The following NAALADL2 variants were observed in gnomAD, a reference collection of about 807,000 sequenced individuals.
NAALADL2 encodes inactive N-acetylated-alpha-linked acidic dipeptidase-like protein 2.
NAALADL2 carries 76 observed loss-of-function variants against 87.2 expected under a neutral mutation model. That is an observed-to-expected ratio of 0.87 (90% CI 0.72 to 1.05). NAALADL2 has a LOEUF of 1.05. Among genes scored for constraint, NAALADL2 ranks in the 50% least tolerant of loss-of-function variants. The pLI is 0.00. For missense variants in NAALADL2, 1,089 were observed against 945.8 expected (o/e 1.15, Z -1.99); for synonymous variants, 354 against 331.0 (o/e 1.07, Z -0.75).
intron 9 of NAALADL2, among the ~76,000 whole-genome samples, chr3:175,489,959 A>G (rs1379878222): frequency 6.6e-6 from 1 of 152,128 alleles, no homozygotes; most frequent in African/African-American, 2.4e-5. Flanking sequence ...TTTTCTTGGT[A>G]CCCATACCCT....
At chr3:174,926,974 A>T (rs894727275) in intron 1 of NAALADL2, among the ~76,000 whole-genome samples, 1 of 151,672 alleles carries the variant, frequency 6.6e-6, no homozygotes, top group African/African-American at 2.4e-5. Context: ...TCACATGCAG[A>T]GACATACATA....
intron 1 of NAALADL2, among the ~76,000 whole-genome samples, chr3:174,924,159 C>T (rs535656884): frequency 1.3e-5 from 2 of 151,100 alleles, no homozygotes; most frequent in South Asian, 2.1e-4. Flanking sequence ...TGTGCTGCAC[C>T]CATTAACTCG....
At chr3:174,897,746 G>C (rs1175316612) in intron 1 of NAALADL2, among the ~76,000 whole-genome samples, 3 of 152,136 alleles carry the variant, frequency 2.0e-5, no homozygotes, top group African/African-American at 7.2e-5. Context: ...ACATACAATA[G>C]TTAGGAGCAA....
intron 11 of NAALADL2, among the ~76,000 whole-genome samples, chr3:175,682,803 A>G (rs1735766920): frequency 6.6e-6 from 1 of 152,132 alleles, no homozygotes; most frequent in Middle Eastern, 3.4e-3. Context: ...TCTAATTTTC[A>G]ATTGCTTGCT....
chr3:174,553,731 T>C (rs1933444582), intron 2 of NAALADL2, among the ~76,000 whole-genome samples: 1 of 152,178 alleles, frequency 6.6e-6, no homozygotes, highest in Admixed American at 6.5e-5. Context: ...CTTGATTTCA[T>C]CTGGGAATGA....
rs868268261 is a variant in NAALADL2, at chr3:175,437,248, A to G, written c.1091-9981A>G. ...CCTTAAGCTGATAAGCAACTTCAGC[A>G]AAGTCTCAGGATACAAAATCAATGT... On this transcript the variant is annotated intron_variant, in intron 5 of 13. Coordinates refer to ENST00000454872, the MANE Select transcript of NAALADL2 (RefSeq NM_207015.3). 3.3e-5 allele frequency among the ~76,000 whole-genome samples: 5 copies of G among 150,360 alleles called. No individual in the cohort carries two copies. In the Middle Eastern group the frequency reaches 0.01, roughly 315 times the overall value.
intron 3 of NAALADL2, among the ~76,000 whole-genome samples, chr3:174,796,261 A>G (rs1718070724): frequency 6.6e-6 from 1 of 152,162 alleles, no homozygotes; most frequent in Non-Finnish European, 1.5e-5. Context: ...TACAAGTACA[A>G]TTTTGTTATA....
In NAALADL2 at chr3:174,611,548, T is replaced by C. The variant is rs538295897; in HGVS notation, c.-115+60911T>C. ...ACAATAATCTGGTTTTCTGTGCACT[T>C]ACTATTGCCCATGAGTTTTGTAGCT... On this transcript the variant is annotated intron_variant, in intron 2 of 3. Transcript: ENST00000434257. Among the ~76,000 whole-genome samples the C allele has an allele frequency of 1.6e-4, 24 of 152,242 alleles. No individual in the cohort carries two copies. The South Asian group carries it at 2.5e-3, about 16-fold the overall frequency.
intron 4 of NAALADL2, among the ~76,000 whole-genome samples, chr3:175,265,134 T>C (rs1327051598): frequency 6.6e-6 from 1 of 151,688 alleles, no homozygotes; most frequent in Non-Finnish European, 1.5e-5. Context: ...GTTACTATTC[T>C]ATGGACTCAA....
intron 2 of NAALADL2, among the ~76,000 whole-genome samples, chr3:174,658,114 G>A (rs1177857381): frequency 6.6e-6 from 1 of 152,088 alleles, no homozygotes; most frequent in Admixed American, 6.6e-5. Flanking sequence ...TTGTGTAGTT[G>A]TGTTCTCATT....
chr3:174,847,418 C>G (rs1724751698), intron 3 of NAALADL2, among the ~76,000 whole-genome samples: 1 of 152,102 alleles, frequency 6.6e-6, no homozygotes, highest in African/African-American at 2.4e-5. Context: ...ATGTTGCAAA[C>G]TTTATCACTC....
At chr3:175,466,868 C>G (rs142354390) in intron 7 of NAALADL2, 111 bp from the exon 8 acceptor site, 1 of 853,540 alleles carries the variant, frequency 1.2e-6, no homozygotes, top group Non-Finnish European at 1.9e-6. Flanking sequence ...ATTATTAGAG[C>G]AATTTTGCTT....
intron 2 of NAALADL2, among the ~76,000 whole-genome samples, chr3:174,622,905 T>C (rs369492212): frequency 6.6e-6 from 1 of 152,106 alleles, no homozygotes; most frequent in Non-Finnish European, 1.5e-5. Flanking sequence ...TAGCCAGGCG[T>C]GGTGGCAGGC....
chr3:175,628,629 A>ATATATC (rs1727338151), intron 11 of NAALADL2, among the ~76,000 whole-genome samples: 1 of 146,716 alleles, frequency 6.8e-6, no homozygotes, highest in Non-Finnish European at 1.5e-5. Context: ...ATATATATAT[A>ATATATC]TATATATGAA....
intron 2 of NAALADL2, among the ~76,000 whole-genome samples, chr3:174,635,609 TCTC>T (rs1312580800): frequency 6.6e-6 from 1 of 151,402 alleles, no homozygotes; most frequent in Non-Finnish European, 1.5e-5. Context: ...TTCCAGCAAT[TCTC>T]CTGCCTCAGC....
rs184181419 is a variant in NAALADL2 at position 175,656,966 on chromosome 3, T to A, written c.1896+29580T>A. ...TGTGCCATATGTTGGACGTAGAAAC[T>A]TCGTGTATCACTTTTATTTAACCTT... is the stretch of plus-strand genomic sequence containing the variant. On this transcript the variant is annotated intron_variant, in intron 11 of 13. Transcript: ENST00000454872. Among the ~76,000 whole-genome samples, 32 of 152,308 alleles carry A rather than the reference T, an allele frequency of 2.1e-4. No homozygotes were observed. In the East Asian group the frequency reaches 6.2e-3, roughly 29 times the overall value.
At chr3:175,694,693 A>G (rs1737506479) in intron 11 of NAALADL2, among the ~76,000 whole-genome samples, 1 of 152,152 alleles carries the variant, frequency 6.6e-6, no homozygotes, top group Non-Finnish European at 1.5e-5. Context: ...CACCTCTATG[A>G]GATGTCCGTA....
chr3:175,595,570 A>G lies in NAALADL2; in HGVS notation c.1800+19383A>G, dbSNP rs114756571. ...TAAGAAACAAAATCAGAGTACAAAA[A>G]TCAGTAGCATTTCTAAACACCAATA... On this transcript the variant is annotated intron_variant, in intron 10 of 13. Coordinates refer to ENST00000454872, the MANE Select transcript of NAALADL2 (RefSeq NM_207015.3). Among the ~76,000 whole-genome samples, 244 of 152,210 alleles carry G rather than the reference A, an allele frequency of 1.6e-3. 2 individuals carry two copies. The highest frequency in any genetic ancestry group is 5.5e-3 in the African/African-American group (230 of 41,570).
chr3:175,445,818 T>G (rs981157151), intron 5 of NAALADL2, among the ~76,000 whole-genome samples: 4 of 152,198 alleles, frequency 2.6e-5, no homozygotes, highest in African/African-American at 9.6e-5. Flanking sequence ...CCTTACACTC[T>G]GATCTTACTG....
Sources: gnomAD v4.1 joint callset for allele counts (sites outside exome capture counted in the v4.1 genomes callset) on GRCh38, gnomAD v4.1.1 for gene constraint, MANE v1.5 for transcripts, NCBI Gene and HGNC (gene_info 2026-07-23, HGNC 2026-07-21) for gene names.